The following PROSER3 variants were observed in gnomAD, a reference collection of about 807,000 sequenced individuals.
The protein encoded by PROSER3 is proline and serine rich 3.
Under a neutral mutation model 50.2 loss-of-function variants are expected in PROSER3, and 33 were observed. The ratio of observed to expected loss-of-function variants is 0.66; its 90% CI spans 0.50 to 0.88. The LOEUF (loss-of-function observed/expected upper bound fraction) is 0.88, where lower values mean the gene tolerates loss of function less well. PROSER3 is among the 40% of genes least tolerant of loss of function. The pLI is 0.00. For missense variants in PROSER3, 623 were observed against 612.7 expected, an observed-to-expected ratio of 1.02 and a Z score of -0.18; for synonymous variants, 266 against 259.3, an observed-to-expected ratio of 1.03 and a Z score of -0.25.
chr19:35,764,671 A>G (rs1302813733), intron 5 of PROSER3, among the ~76,000 whole-genome samples, 183 bp from the exon 6 acceptor site: 1 of 151,924 alleles, frequency 6.6e-6, no homozygotes, highest in Non-Finnish European at 1.5e-5. Context: ...AAAAAGAAAA[A>G]AAAAAAGGTG....
exon 11 of PROSER3, chr19:35,768,577 T>TC (rs2146640215): frequency 6.6e-7 from 1 of 1,514,430 alleles, no homozygotes; most frequent in South Asian, 1.2e-5. Flanking sequence ...CCAGTGAGGC[T>TC]CTTTTTTTTT....
intron 4 of PROSER3, 53 bp from the exon 5 acceptor site, chr19:35,762,200 T>A: frequency 1.3e-6 from 2 of 1,594,202 alleles, no homozygotes; most frequent in Non-Finnish European, 8.6e-7. Context: ...TGCTGATCAA[T>A]GCCCCCAGCA....
chr19:35,764,526 C>T (rs968865844), intron 5 of PROSER3, among the ~76,000 whole-genome samples: 2 of 152,134 alleles, frequency 1.3e-5, no homozygotes, highest in Non-Finnish European at 2.9e-5. Context: ...CGTGGTGGCG[C>T]ATGCCTGTAA....
exon 10 of PROSER3, chr19:35,768,227 G>C: frequency 6.2e-7 from 1 of 1,612,152 alleles, no homozygotes; most frequent in Non-Finnish European, 8.5e-7. Context: ...GAGCTGAGTC[G>C]GCAGAAAAGG....
intron 5 of PROSER3, among the ~76,000 whole-genome samples, chr19:35,764,027 A>G (rs1452561149): frequency 2.6e-5 from 4 of 151,362 alleles, no homozygotes; most frequent in Admixed American, 1.3e-4. Flanking sequence ...GGCTCAAGCA[A>G]TCTTCCTGCC....
Position 35,766,839 on chromosome 19 carries a change from C to T in PROSER3, c.841C>T (p.Arg281Trp), listed in dbSNP as rs978157371. ...CCCAGCCTCCTCCCAAGCACCCCTTCGGCCAGAGGATGACATTCTGTACCA... is the reference window on the plus strand; with the variant it reads ...CCCAGCCTCCTCCCAAGCACCCCTTTGGCCAGAGGATGACATTCTGTACCA... Residue 281 changes from arginine to tryptophan, a missense_variant, in exon 8 of 11, where the codon CGG becomes TGG. Around this residue, in one of 3 missense-constraint regions of PROSER3, gnomAD observed 380 missense variants for 346.8 expected, o/e 1.10. Transcript: ENST00000396908. 65 of 1,551,632 alleles carry T rather than the reference C, an allele frequency of 4.2e-5. No homozygotes were observed. The highest frequency in any genetic ancestry group is 2.9e-4 in the East Asian group (12 of 40,902).
At chr19:35,762,134 C>A in exon 4 of PROSER3, 1 of 1,599,378 alleles carries the variant, frequency 6.3e-7, no homozygotes, top group South Asian at 1.1e-5. Context: ...CCCCAGCAGT[C>A]AAAGTGCAGC....
exon 1 of PROSER3, chr19:35,758,217 T>G: frequency 6.4e-7 from 1 of 1,562,282 alleles, no homozygotes; most frequent in Non-Finnish European, 8.7e-7. Context: ...AGCCGCGGGA[T>G]GGACCGCAGG....
At chr19:35,768,337 C>T (rs1971242101) in intron 10 of PROSER3, 67 bp from the exon 11 acceptor site, 3 of 1,578,484 alleles carry the variant, frequency 1.9e-6, no homozygotes, top group Admixed American at 1.7e-5. Context: ...CCCAGCAGTC[C>T]GTCCACAGCC....
chr19:35,766,961 C>G lies in PROSER3; in HGVS notation c.957+6C>G. 2 of 1,543,504 alleles carry G rather than the reference C, an allele frequency of 1.3e-6. No individual in the cohort carries two copies. The highest frequency in any genetic ancestry group is 2.5e-5 in the East Asian group (1 of 40,802). ...CCCCTGCCCTCCGCACGTTGGTGAG[C>G]CGAGGGAGGGAGGAGCCTGGGGGGA... On this transcript the variant is annotated splice_donor_region_variant and intron_variant, in intron 8 of 10. Transcript: ENST00000396908.
chr19:35,758,186 A>G (rs1368488749), exon 1 of PROSER3: 1 of 1,555,772 alleles, frequency 6.4e-7, no homozygotes, highest in Non-Finnish European at 8.7e-7. Context: ...GAAGGAGCAG[A>G]GCGGCCGGAA....
In PROSER3 at chr19:35,760,000, C is replaced by A; in HGVS notation, c.311+9C>A. The A allele has an allele frequency of 6.4e-7, 1 of 1,566,210 alleles. No individual in the cohort carries two copies. Among genetic ancestry groups the A allele is most frequent in the African/African-American group, 1.4e-5 (1 of 73,542 alleles). On this transcript the variant is annotated intron_variant, in intron 3 of 10. Coordinates refer to ENST00000396908, the Ensembl canonical transcript of PROSER3. The stretch of plus-strand genomic sequence containing the variant: ...GACTCCGTGGTGGCCAAGTAAGTAC[C>A]AGCAGCCCTGGGGGAAAAAGAGGCT...
intron 8 of PROSER3, chr19:35,767,341 GC>G: frequency 3.8e-6 from 1 of 264,262 alleles, no homozygotes; most frequent in Non-Finnish European, 7.2e-6. Context: ...CTACCCTCGC[GC>G]CCCCGGCTTC....
At chr19:35,765,318 G>A in intron 7 of PROSER3, 142 bp downstream of exon 7, 3 of 1,125,402 alleles carry the variant, frequency 2.7e-6, no homozygotes, top group Non-Finnish European at 3.7e-6. Flanking sequence ...GGTGGGTCAG[G>A]CATGGAGGCC....
At chr19:35,761,944 T>G in intron 3 of PROSER3, 75 bp from the exon 4 acceptor site, 9 of 1,451,886 alleles carry the variant, frequency 6.2e-6, no homozygotes, top group South Asian at 5.9e-5. Context: ...TTGGTAAACG[T>G]TGGCTGCTAT....
exon 6 of PROSER3, chr19:35,764,895 G>A (rs145377298): frequency 0.02 from 31,610 of 1,613,606 alleles, 370 homozygotes; most frequent in Non-Finnish European, 0.024. Context: ...ACCTGGAGAC[G>A]CTGAGCCTAC....
In PROSER3 at chr19:35,758,189, G is replaced by T. The variant is rs1183720475; in HGVS notation, c.-27G>T. 3.2e-6 allele frequency: 5 copies of T among 1,556,856 alleles called. No homozygotes were observed. The East Asian group carries it at 7.2e-5, about 22-fold the overall frequency. Reference sequence around the variant, plus strand: ...GGCCTGTTGGGTGAAGGAGCAGAGCGGCCGGAAGCGCGGAGGGAGCCGCGG... The same window carrying T: ...GGCCTGTTGGGTGAAGGAGCAGAGCTGCCGGAAGCGCGGAGGGAGCCGCGG... On this transcript the variant is annotated 5_prime_UTR_variant, in exon 1 of 11. Coordinates refer to ENST00000396908, the Ensembl canonical transcript of PROSER3.
At chr19:35,765,391 G>T (rs1036085978) in intron 7 of PROSER3, among the ~76,000 whole-genome samples, 1 of 152,018 alleles carries the variant, frequency 6.6e-6, no homozygotes, top group Non-Finnish European at 1.5e-5. Context: ...GGCGAAACCC[G>T]GTATCTACTA....
At chr19:35,767,455 A>C in intron 8 of PROSER3, 3 of 216,960 alleles carry the variant, frequency 1.4e-5, no homozygotes, top group South Asian at 1.3e-4. Flanking sequence ...GTACCCCTGC[A>C]CCTCCAGCCT....
Sources: allele counts gnomAD v4.1 joint callset (sites outside exome capture counted in the v4.1 genomes callset), GRCh38; gene constraint gnomAD v4.1.1; regional missense constraint gnomAD v4.1.1; transcripts MANE v1.5; gene names NCBI Gene and HGNC (gene_info 2026-07-23, HGNC 2026-07-21).